AHI1: variants seen among roughly 807,000 people sequenced by gnomAD.
AHI1 encodes the protein jouberin.
AHI1 carries 123 observed loss-of-function variants against 149.3 expected under a neutral mutation model. The ratio of observed to expected loss-of-function variants is 0.82; its 90% confidence interval spans 0.71 to 0.96. AHI1 has a LOEUF of 0.96. Among genes scored for constraint, AHI1 ranks in the 40% least tolerant of loss-of-function variants. The pLI is 0.00. For missense variants in AHI1, 1,439 were observed against 1,422.7 expected (o/e 1.01, Z -0.18); for synonymous variants, 475 against 459.8 (o/e 1.03, Z -0.42).
intron 21 of AHI1, among the ~76,000 whole-genome samples, chr6:135,405,656 C>T (rs961856478): frequency 5.3e-5 from 8 of 151,698 alleles, no homozygotes; most frequent in Admixed American, 1.3e-4. Context: ...GTCAAGAGAT[C>T]GAGACCATCC....
At chr6:135,404,897 T>C in intron 22 of AHI1, 54 bp downstream of exon 22, 2 of 1,533,058 alleles carry the variant, frequency 1.3e-6, no homozygotes, top group South Asian at 1.1e-5. Context: ...TTCCAGTTCT[T>C]TGGAGCATCA....
At chr6:135,359,283 A>G (rs1384690201) in intron 23 of AHI1, among the ~76,000 whole-genome samples, 1 of 152,214 alleles carries the variant, frequency 6.6e-6, no homozygotes, top group African/African-American at 2.4e-5. Flanking sequence ...ATTGACTAAT[A>G]TTTTTGAGTG....
chr6:135,392,331 G>C (rs964463400), intron 23 of AHI1, among the ~76,000 whole-genome samples: 1 of 152,174 alleles, frequency 6.6e-6, no homozygotes, highest in Admixed American at 6.5e-5. Context: ...TACTTTTCTA[G>C]CAGTCTCCGT....
At chr6:135,302,079 A>G in intron 26 of AHI1, 1 of 967,780 alleles carries the variant, frequency 1.0e-6, no homozygotes, top group Non-Finnish European at 1.2e-6. Flanking sequence ...GCAGCCTTGA[A>G]CTCCTGGGCT....
At chr6:135,430,876 T>C (rs1364493284) in intron 17 of AHI1, among the ~76,000 whole-genome samples, 1 of 151,930 alleles carries the variant, frequency 6.6e-6, no homozygotes, top group East Asian at 1.9e-4. Flanking sequence ...AAGGATATAA[T>C]AGGAAATATA....
At chr6:135,432,488 G>GACT (rs754493020) in intron 16 of AHI1, among the ~76,000 whole-genome samples, 14 of 152,018 alleles carry the variant, frequency 9.2e-5, no homozygotes, top group Non-Finnish European at 1.8e-4. Context: ...AAGTAGCTGG[G>GACT]ACTACAGGTG....
intron 21 of AHI1, among the ~76,000 whole-genome samples, chr6:135,410,648 G>T (rs1309311306): frequency 6.6e-6 from 1 of 152,086 alleles, no homozygotes; most frequent in Non-Finnish European, 1.5e-5. Flanking sequence ...TTGCAATGTG[G>T]AATTAATTGA....
At chr6:135,287,329 T>A (rs1396580257) in intron 28 of AHI1, among the ~76,000 whole-genome samples, 1 of 151,984 alleles carries the variant, frequency 6.6e-6, no homozygotes, top group Non-Finnish European at 1.5e-5. Context: ...AAAGATAACA[T>A]CTTTGAGGGA....
intron 5 of AHI1, among the ~76,000 whole-genome samples, chr6:135,483,086 G>A (rs1793961042): frequency 6.7e-6 from 1 of 150,028 alleles, no homozygotes; most frequent in Non-Finnish European, 1.5e-5. Context: ...TTTTAGTAGA[G>A]ACAGGGTTTC....
chr6:135,365,459 T>A (rs1774037021), intron 23 of AHI1, among the ~76,000 whole-genome samples: 1 of 152,200 alleles, frequency 6.6e-6, no homozygotes, highest in Non-Finnish European at 1.5e-5. Context: ...GTTTCCATCT[T>A]TTTTTGGTGT....
At chr6:135,394,051 T>C (rs1296289939) in intron 23 of AHI1, among the ~76,000 whole-genome samples, 1 of 152,104 alleles carries the variant, frequency 6.6e-6, no homozygotes, top group Admixed American at 6.6e-5. Context: ...TATGCTGATC[T>C]TCTCATACGC....
At chr6:135,342,738 T>C (rs953685236) in intron 24 of AHI1, among the ~76,000 whole-genome samples, 9 of 151,924 alleles carry the variant, frequency 5.9e-5, no homozygotes, top group African/African-American at 2.2e-4. Context: ...CACAAGGAAA[T>C]GTCCTCAACC....
chr6:135,437,974 T>C (rs1460426280), intron 15 of AHI1, among the ~76,000 whole-genome samples: 1 of 152,156 alleles, frequency 6.6e-6, no homozygotes, highest in Non-Finnish European at 1.5e-5. Flanking sequence ...TTGTTTCCTC[T>C]ACTGTGATAT....
intron 20 of AHI1, among the ~76,000 whole-genome samples, chr6:135,417,766 G>A (rs1782593706): frequency 6.6e-6 from 1 of 151,856 alleles, no homozygotes; most frequent in African/African-American, 2.4e-5. Context: ...AAAAAAATCT[G>A]CAGAAATATT....
intron 28 of AHI1, among the ~76,000 whole-genome samples, chr6:135,288,644 A>G (rs540357091): frequency 3.9e-5 from 6 of 152,124 alleles, no homozygotes; most frequent in Admixed American, 3.9e-4. Context: ...AAATACTTCC[A>G]TAATATGATG....
At chr6:135,463,370 T>C (rs1383917531) in intron 7 of AHI1, 64 bp from the exon 8 acceptor site, 3 of 1,324,110 alleles carry the variant, frequency 2.3e-6, no homozygotes, top group African/African-American at 1.5e-5. Context: ...TTATTCATGA[T>C]GCAACAGAGT....
chr6:135,468,545 A>T (rs1791181642), intron 5 of AHI1, among the ~76,000 whole-genome samples: 1 of 152,164 alleles, frequency 6.6e-6, no homozygotes, highest in Non-Finnish European at 1.5e-5. Flanking sequence ...CTCTATCAAA[A>T]ATACAAAAAT....
chr6:135,347,476 T>A (rs1791406448), intron 24 of AHI1, among the ~76,000 whole-genome samples: 1 of 152,224 alleles, frequency 6.6e-6, no homozygotes, highest in Non-Finnish European at 1.5e-5. Context: ...TCATTTATCA[T>A]AATGAATTAA....
intron 23 of AHI1, among the ~76,000 whole-genome samples, chr6:135,377,665 G>A (rs1274277298): frequency 6.6e-6 from 1 of 151,834 alleles, no homozygotes; most frequent in Non-Finnish European, 1.5e-5. Context: ...TTTTTTTGTA[G>A]TAACGGGGTC....
Sources: allele counts gnomAD v4.1 joint callset (sites outside exome capture counted in the v4.1 genomes callset), GRCh38; gene constraint gnomAD v4.1.1; transcripts MANE v1.5; gene names NCBI Gene and HGNC (gene_info 2026-07-23, HGNC 2026-07-21).